Variants in MALRD1 observed in about 807,000 individuals in gnomAD.
MALRD1 encodes the protein MAM and LDL receptor class A domain containing 1, also known as MAM and LDL-receptor class A domain-containing protein 1.
MALRD1 carries 247 observed loss-of-function variants against 242.1 expected under a neutral mutation model. That is an observed-to-expected ratio of 1.02 (90% CI 0.92 to 1.13). MALRD1 has a LOEUF of 1.13. Among genes scored for constraint, MALRD1 ranks in the 50% most tolerant of loss-of-function variants. The pLI is 0.00. For missense variants in MALRD1, 2,989 were observed against 2,533.1 expected (o/e 1.18, Z -3.86); for synonymous variants, 995 against 866.6 (o/e 1.15, Z -2.60).
intron 32 of MALRD1, among the ~76,000 whole-genome samples, chr10:19,545,562 A>G (rs1835173504): frequency 1.3e-5 from 2 of 152,074 alleles, no homozygotes; most frequent in South Asian, 2.1e-4. Context: ...TGTCTGTCTG[A>G]TTATTTCTCC....
intron 14 of MALRD1, among the ~76,000 whole-genome samples, chr10:19,184,859 T>A (rs773802031): frequency 2.0e-4 from 31 of 152,304 alleles, no homozygotes; most frequent in Non-Finnish European, 1.0e-4. Context: ...AAATTGTCAT[T>A]TAATGACATT....
chr10:19,719,240 A>ACATG (rs1834617620), intron 38 of MALRD1, among the ~76,000 whole-genome samples: 1 of 130,258 alleles, frequency 7.7e-6, no homozygotes, highest in African/African-American at 2.9e-5. Context: ...ATATATATAT[A>ACATG]TATATATATA....
intron 38 of MALRD1, among the ~76,000 whole-genome samples, chr10:19,705,914 C>T (rs1464002600): frequency 6.6e-6 from 1 of 151,198 alleles, no homozygotes; most frequent in Non-Finnish European, 1.5e-5. Flanking sequence ...ACCCTTTTTC[C>T]AGAGATTTCA....
chr10:19,606,974 A>G (rs1008540512), intron 34 of MALRD1, among the ~76,000 whole-genome samples: 2 of 152,154 alleles, frequency 1.3e-5, no homozygotes, highest in African/African-American at 4.8e-5. Flanking sequence ...CAAATCAGAT[A>G]TAATTAAATT....
At chr10:19,527,435 A>T (rs937446937) in intron 31 of MALRD1, among the ~76,000 whole-genome samples, 16 of 152,206 alleles carry the variant, frequency 1.1e-4, no homozygotes, top group Admixed American at 5.2e-4. Context: ...TCGGAATTCA[A>T]TTCCTAACTT....
intron 26 of MALRD1, among the ~76,000 whole-genome samples, chr10:19,380,796 T>C (rs1845803029): frequency 6.6e-6 from 1 of 152,224 alleles, no homozygotes; most frequent in African/African-American, 2.4e-5. Flanking sequence ...TCATCGTTTT[T>C]AATATTTACC....
chr10:19,491,350 T>C, intron 29 of MALRD1, 167 bp from the exon 30 acceptor site: 1 of 811,108 alleles, frequency 1.2e-6, no homozygotes, highest in Non-Finnish European at 1.9e-6. Flanking sequence ...TGCTGAACCA[T>C]TGAAGGTGGG....
chr10:19,653,493 G>T (rs16919242), intron 36 of MALRD1, among the ~76,000 whole-genome samples: 431 of 152,208 alleles, frequency 2.8e-3, no homozygotes, highest in African/African-American at 9.9e-3. Flanking sequence ...GATCTAAATT[G>T]TTGTTCCATA....
intron 2 of MALRD1, among the ~76,000 whole-genome samples, chr10:19,068,259 A>G (rs1191427929): frequency 6.6e-6 from 1 of 151,920 alleles, no homozygotes; most frequent in Non-Finnish European, 1.5e-5. Context: ...TTCAGAAGAC[A>G]CTGTGCTTCC....
chr10:19,128,888 C>T (rs752455520), intron 8 of MALRD1, among the ~76,000 whole-genome samples: 9 of 152,046 alleles, frequency 5.9e-5, no homozygotes, highest in African/African-American at 9.7e-5. Context: ...CCAATATGCT[C>T]GATGAGTTCT....
intron 1 of MALRD1, among the ~76,000 whole-genome samples, chr10:19,056,785 A>G (rs2131213829): frequency 6.6e-6 from 1 of 152,268 alleles, no homozygotes; most frequent in Admixed American, 6.5e-5. Context: ...AAAAGTTTTT[A>G]ACATTTCACT....
At chr10:19,113,834 C>CACACACACACACAG (rs1836777286) in intron 5 of MALRD1, among the ~76,000 whole-genome samples, 4 of 149,898 alleles carry the variant, frequency 2.7e-5, no homozygotes, top group African/African-American at 9.8e-5. Context: ...CACACACAGA[C>CACACACACACACAG]ACACACACAC....
At chr10:19,583,234 G>A (rs890497564) in intron 33 of MALRD1, among the ~76,000 whole-genome samples, 24 of 149,090 alleles carry the variant, frequency 1.6e-4, no homozygotes, top group Non-Finnish European at 3.4e-4. Context: ...CTTCCTAATT[G>A]CCCTGGCCAG....
At chr10:19,529,315 C>G (rs1229705186) in intron 31 of MALRD1, among the ~76,000 whole-genome samples, 1 of 152,104 alleles carries the variant, frequency 6.6e-6, no homozygotes, top group Non-Finnish European at 1.5e-5. Context: ...AGTACTTGTA[C>G]TACCCATGAA....
At chr10:19,237,009 T>C (rs1156381020) in intron 18 of MALRD1, among the ~76,000 whole-genome samples, 1 of 152,048 alleles carries the variant, frequency 6.6e-6, no homozygotes, top group Non-Finnish European at 1.5e-5. Flanking sequence ...TTAAAAATTT[T>C]CACATTGTAA....
At chr10:19,276,581 T>G (rs1840538029) in intron 19 of MALRD1, among the ~76,000 whole-genome samples, 1 of 152,192 alleles carries the variant, frequency 6.6e-6, no homozygotes, top group Non-Finnish European at 1.5e-5. Flanking sequence ...GGCTAGCGAA[T>G]TTTTCTTTCT....
intron 36 of MALRD1, among the ~76,000 whole-genome samples, chr10:19,675,776 G>A (rs1191699668): frequency 6.6e-6 from 1 of 152,204 alleles, no homozygotes; most frequent in Non-Finnish European, 1.5e-5. Context: ...GCTAATTGCA[G>A]TGTACAAGAG....
intron 4 of MALRD1, among the ~76,000 whole-genome samples, chr10:19,102,100 C>G (rs576533875): frequency 2.9e-4 from 41 of 141,460 alleles, no homozygotes; most frequent in East Asian, 1.7e-3. Flanking sequence ...ATTATTATAT[C>G]ATATATGATA....
intron 21 of MALRD1, among the ~76,000 whole-genome samples, chr10:19,312,378 G>GTGTATA (rs140254793): frequency 3.6e-5 from 5 of 137,548 alleles, no homozygotes; most frequent in African/African-American, 1.1e-4. Flanking sequence ...AGAGGAATGT[G>GTGTATA]TATATATATA....
Sources: gnomAD v4.1 joint callset for allele counts (sites outside exome capture counted in the v4.1 genomes callset) on GRCh38, gnomAD v4.1.1 for gene constraint, MANE v1.5 for transcripts, NCBI Gene and HGNC (gene_info 2026-07-23, HGNC 2026-07-21) for gene names.